PAK3: variants seen among roughly 807,000 people sequenced by gnomAD.
PAK3 encodes the protein serine/threonine-protein kinase PAK 3.
A neutral mutation model predicts 41.0 loss-of-function variants in PAK3; 4 were observed. The ratio of observed to expected loss-of-function variants is 0.10; its 90% CI spans 0.05 to 0.22. The LOEUF is 0.22. PAK3 is among the 10% of genes least tolerant of loss of function. The pLI, the probability that PAK3 is intolerant of heterozygous loss-of-function variation, is 1.00. For synonymous variants in PAK3, 146 were observed against 139.6 expected, an observed-to-expected ratio of 1.05 and a Z score of -0.32; for missense variants, 205 against 409.9, an observed-to-expected ratio of 0.50 and a Z score of 4.32.
intron 1 of PAK3, among the ~76,000 whole-genome samples, chrX:111,009,652 T>G (rs192971300): frequency 8.9e-6 from 1 of 112,641 alleles, no homozygotes; most frequent in Non-Finnish European, 1.9e-5. Flanking sequence ...CAGAATAACC[T>G]TCATAGGCTC....
In PAK3 at chrX:111,223,461, T is replaced by A. The variant is rs2094937977; in HGVS notation, c.*3014T>A. The A allele has an allele frequency of 9.3e-6, 1 of 107,497 alleles. No individual in the cohort carries two copies. The highest frequency in any genetic ancestry group is 1.0e-4 in the Admixed American group (1 of 9,562). 8.9% of individuals were successfully genotyped at this position (107,497 alleles called of 1,213,427 possible). ...GATCTCGTGTGTGTGTCATTGTAAA[T>A]ATTTGTGTGTCCATGTTCCATTTTG... is the stretch of plus-strand genomic sequence containing the variant. On this transcript the variant is annotated 3_prime_UTR_variant, in exon 18 of 18. Transcript: ENST00000372007.
intron 1 of PAK3, among the ~76,000 whole-genome samples, chrX:111,059,406 A>C (rs1014716885): frequency 3.6e-5 from 4 of 111,030 alleles, no homozygotes; most frequent in Non-Finnish European, 7.6e-5. Flanking sequence ...TCCTGGCCTC[A>C]AGTGATCCTC....
intron 1 of PAK3, among the ~76,000 whole-genome samples, chrX:111,086,738 G>C (rs905834498): frequency 9.0e-6 from 1 of 111,429 alleles, no homozygotes; most frequent in African/African-American, 3.3e-5. Context: ...ACACAGTTAA[G>C]CCTCACTAAT....
chrX:111,056,559 T>C (rs2092606737), intron 1 of PAK3, among the ~76,000 whole-genome samples: 1 of 112,069 alleles, frequency 8.9e-6, no homozygotes, highest in South Asian at 3.7e-4. Flanking sequence ...TTTATGTACA[T>C]ATATAGGAAC....
rs1262064301 is a variant in PAK3, at chrX:111,105,565, T to G, written c.-28+2259T>G. ...ATGCTCATATATCCACGTTTATATT[T>G]TCTCACATCATAAGCACCATCTCAC... On this transcript the variant is annotated intron_variant, in intron 4 of 17. Coordinates refer to ENST00000372007, the MANE Select transcript of PAK3 (RefSeq NM_002578.5). 1.1e-4 allele frequency among the ~76,000 whole-genome samples: 12 copies of G among 111,807 alleles called. 1 individual carries two copies. The highest frequency in any genetic ancestry group is 3.8e-4 in the Admixed American group (4 of 10,491).
chrX:111,132,904 G>A (rs764018263), intron 5 of PAK3, among the ~76,000 whole-genome samples: 5 of 110,684 alleles, frequency 4.5e-5, no homozygotes, highest in Middle Eastern at 4.7e-3. Flanking sequence ...ACACACACAC[G>A]CCGAGTTTGT....
At chrX:111,205,118 G>A (rs750481572) in intron 16 of PAK3, among the ~76,000 whole-genome samples, 1 of 108,640 alleles carries the variant, frequency 9.2e-6, no homozygotes, top group South Asian at 4.1e-4. Flanking sequence ...TTCTTGCTGA[G>A]CCTACATTTC....
chrX:111,019,496 C>A (rs1420607771), intron 1 of PAK3, among the ~76,000 whole-genome samples: 3 of 98,411 alleles, frequency 3.0e-5, no homozygotes, highest in Non-Finnish European at 4.1e-5. Context: ...TAGTTTGAGA[C>A]CAGCCTGGGC....
intron 1 of PAK3, among the ~76,000 whole-genome samples, chrX:111,058,878 G>A (rs1034937843): frequency 9.9e-5 from 11 of 111,365 alleles, no homozygotes; most frequent in Admixed American, 7.6e-4. Context: ...TTTGCATGTG[G>A]ATATCCAGTT....
intron 10 of PAK3, among the ~76,000 whole-genome samples, chrX:111,164,020 A>G (rs923476075): frequency 4.4e-4 from 49 of 112,466 alleles, no homozygotes; most frequent in African/African-American, 1.6e-3. Flanking sequence ...GAATAGTCTG[A>G]TAAAATATGT....
At position 111,184,852 on chromosome X, in the gene PAK3, A is replaced by G. The variant is rs764945868; in HGVS notation, c.831-7275A>G. ...CTTTGCTATTGTGAATAGTGCTGCA[A>G]TAAACGTACATGTACACGTGTCTTT... On this transcript the variant is annotated intron_variant, in intron 11 of 17. Coordinates refer to ENST00000372007, the MANE Select transcript of PAK3 (RefSeq NM_002578.5). Among the ~76,000 whole-genome samples the G allele has an allele frequency of 1.5e-3, 162 of 111,534 alleles. 1 individual carries two copies. Among genetic ancestry groups the G allele is most frequent in the African/African-American group, 5.2e-3 (159 of 30,686 alleles).
At chrX:111,058,914 C>A (rs1456995821) in intron 1 of PAK3, among the ~76,000 whole-genome samples, 1 of 110,935 alleles carries the variant, frequency 9.0e-6, no homozygotes, top group African/African-American at 3.3e-5. Flanking sequence ...GTTGAAGAAA[C>A]TGCTTTTCTC....
At chrX:111,016,737 A>AGGAT (rs1202535530) in intron 1 of PAK3, among the ~76,000 whole-genome samples, 4 of 85,686 alleles carry the variant, frequency 4.7e-5, no homozygotes, top group Non-Finnish European at 9.1e-5. Context: ...GAAGGAAAGA[A>AGGAT]GGAAGGAAGG....
rs1476480701 is a variant in PAK3 at position 111,223,275 on chromosome X, G to A, written c.*2828G>A. Reference sequence around the variant, plus strand: ...AGGAATAGGGCAGTGGGAAAGTCAGGGAAGGGTGAGAAGCACAGTAGAGAT... The same window carrying A: ...AGGAATAGGGCAGTGGGAAAGTCAGAGAAGGGTGAGAAGCACAGTAGAGAT... On this transcript the variant is annotated 3_prime_UTR_variant, in exon 18 of 18. Coordinates refer to ENST00000372007, the MANE Select transcript of PAK3 (RefSeq NM_002578.5). 2 of 110,440 alleles carry A rather than the reference G, an allele frequency of 1.8e-5. No individual in the cohort carries two copies. The highest frequency in any genetic ancestry group is 2.0e-4 in the Admixed American group (2 of 10,163). The allele number at this position is 110,440 out of a possible 1,213,427, so 9.1% of individuals were successfully genotyped here. A position where few individuals can be genotyped will look rare whatever the true frequency, so the allele number is the denominator to read the frequency against.
chrX:111,040,101 C>T (rs1183062956), intron 1 of PAK3, among the ~76,000 whole-genome samples: 4 of 110,384 alleles, frequency 3.6e-5, no homozygotes, highest in Non-Finnish European at 7.6e-5. Context: ...AAGAAGAAGA[C>T]TCAACCTGGT....
Position 111,163,594 on chromosome X carries a change from T to C in PAK3, c.633T>C (p.Ala211=). 1 of 1,206,128 alleles carries C rather than the reference T, an allele frequency of 8.3e-7. No homozygotes were observed. Among genetic ancestry groups the C allele is most frequent in the East Asian group, 3.0e-5 (1 of 33,814 alleles). The part of the protein sequence containing the change: ...IYTRSVVESI[A]SPAVPNKEVT... ...CTCGTTCTGTGGTTGAATCCATTGC[T>C]TCACCAGCAGTACCAAATAAAGAGG... Residue 211 remains alanine, a synonymous_variant, in exon 10 of 18, where the codon GCT becomes GCC. Coordinates refer to ENST00000372007, the MANE Select transcript of PAK3 (RefSeq NM_002578.5).
At chrX:111,091,939 A>T (rs1421525101), upstream of PAK3, among the ~76,000 whole-genome samples, 1 of 111,237 alleles carries the variant, frequency 9.0e-6, no homozygotes, top group African/African-American at 3.3e-5. Context: ...ATCCAAACAG[A>T]CCCAGAGTCC....
rs759187372 is a variant in PAK3 at position 111,157,926 on chromosome X, T to C, written c.469-4989T>C. Among the ~76,000 whole-genome samples, 41 of 112,242 alleles carry C rather than the reference T, an allele frequency of 3.7e-4. 1 individual carries two copies. The highest frequency in any genetic ancestry group is 7.6e-4 in the Admixed American group (8 of 10,579). ...ATCCATCTATCTATATTTCTGTAAG[T>C]TTAGAAGTTTTAGATACAGTAATTC... On this transcript the variant is annotated intron_variant, in intron 8 of 17. Transcript: ENST00000372007.
At chrX:111,117,110 G>A (rs2093479169) in intron 4 of PAK3, among the ~76,000 whole-genome samples, 1 of 112,026 alleles carries the variant, frequency 8.9e-6, no homozygotes, top group African/African-American at 3.2e-5. Context: ...ACTGGCCAAC[G>A]AAACTTGTTG....
Sources: gnomAD v4.1 joint callset for allele counts (sites outside exome capture counted in the v4.1 genomes callset) on GRCh38, gnomAD v4.1.1 for gene constraint, MANE v1.5 for transcripts, NCBI Gene and HGNC (gene_info 2026-07-23, HGNC 2026-07-21) for gene names.